Variants in SIPA1L1 observed in about 807,000 individuals in gnomAD.
SIPA1L1 encodes signal-induced proliferation-associated 1-like protein 1.
Under a neutral mutation model 162.7 loss-of-function variants are expected in SIPA1L1, and 26 were observed. The observed-to-expected ratio is 0.16, with a 90% CI of 0.12 to 0.22. The LOEUF (loss-of-function observed/expected upper bound fraction) is 0.22. SIPA1L1 is among the 10% of genes least tolerant of loss of function. The probability of loss-of-function intolerance (pLI) is 1.00; values close to 1 mark genes in which losing one functional copy is unlikely to be tolerated. For synonymous variants in SIPA1L1, 829 were observed against 837.4 expected (o/e 0.99, Z 0.17); for missense variants, 1,874 against 2,241.0 (o/e 0.84, Z 3.31).
At chr14:71,412,266 C>T (rs2042459173) in intron 2 of SIPA1L1, among the ~76,000 whole-genome samples, 1 of 152,214 alleles carries the variant, frequency 6.6e-6, no homozygotes, top group Non-Finnish European at 1.5e-5. Flanking sequence ...CAGCCCAACA[C>T]AAACTTGTAA....
intron 2 of SIPA1L1, among the ~76,000 whole-genome samples, chr14:71,452,815 C>G (rs1595537572): frequency 6.6e-6 from 1 of 152,206 alleles, no homozygotes; most frequent in African/African-American, 2.4e-5. Context: ...AAGAACTTCC[C>G]CTCTGGGGAG....
intron 2 of SIPA1L1, among the ~76,000 whole-genome samples, chr14:71,410,001 G>A (rs1390779200): frequency 6.6e-6 from 1 of 151,908 alleles, no homozygotes. Flanking sequence ...TTTGTCTTTC[G>A]GTATGCTGTT....
At chr14:71,609,916 G>T (rs1256487907) in intron 5 of SIPA1L1, among the ~76,000 whole-genome samples, 2 of 143,074 alleles carry the variant, frequency 1.4e-5, no homozygotes, top group Non-Finnish European at 3.1e-5. Context: ...ATTTTAAAGT[G>T]CATGGAGTAA....
At chr14:71,610,648 AT>A (rs1193707539) in intron 5 of SIPA1L1, among the ~76,000 whole-genome samples, 1 of 152,152 alleles carries the variant, frequency 6.6e-6, no homozygotes, top group African/African-American at 2.4e-5. Context: ...TTTAAAAATA[AT>A]TTTTTTATGT....
At chr14:71,575,440 A>G (rs2032869685) in intron 4 of SIPA1L1, among the ~76,000 whole-genome samples, 1 of 152,176 alleles carries the variant, frequency 6.6e-6, no homozygotes, top group South Asian at 2.1e-4. Context: ...AATTATTAAA[A>G]TTTTCAGTAA....
intron 2 of SIPA1L1, among the ~76,000 whole-genome samples, chr14:71,332,030 A>T (rs1400551540): frequency 6.6e-6 from 1 of 152,172 alleles, no homozygotes; most frequent in Non-Finnish European, 1.5e-5. Flanking sequence ...TTGGTTGAGT[A>T]TATTATTTGA....
intron 8 of SIPA1L1, among the ~76,000 whole-genome samples, chr14:71,654,166 A>G (rs547935404): frequency 2.4e-4 from 37 of 152,326 alleles, no homozygotes; most frequent in Non-Finnish European, 2.6e-4. Context: ...TATCTGTGCA[A>G]AGACCATCTA....
chr14:71,674,053 T>A (rs2044815553), intron 12 of SIPA1L1, among the ~76,000 whole-genome samples: 3 of 152,252 alleles, frequency 2.0e-5, no homozygotes, highest in Admixed American at 2.0e-4. Context: ...AATTGTCTAC[T>A]TTATTGCTTC....
intron 4 of SIPA1L1, among the ~76,000 whole-genome samples, chr14:71,538,482 T>A (rs946437484): frequency 6.6e-6 from 1 of 152,180 alleles, no homozygotes; most frequent in Non-Finnish European, 1.5e-5. Context: ...GTCTGGCAGA[T>A]TGGGATCTGG....
chr14:71,508,738 A>G (rs946910007), intron 2 of SIPA1L1, among the ~76,000 whole-genome samples: 10 of 152,216 alleles, frequency 6.6e-5, no homozygotes, highest in African/African-American at 2.2e-4. Flanking sequence ...TTTAAAAAAC[A>G]TAGTCTTTGT....
At chr14:71,475,506 C>G (rs2047776444) in intron 2 of SIPA1L1, among the ~76,000 whole-genome samples, 1 of 152,080 alleles carries the variant, frequency 6.6e-6, no homozygotes, top group Non-Finnish European at 1.5e-5. Flanking sequence ...AAAACCAATA[C>G]AAGTCACTGT....
intron 13 of SIPA1L1, among the ~76,000 whole-genome samples, chr14:71,687,068 A>C (rs2080922972): frequency 6.6e-6 from 1 of 152,238 alleles, no homozygotes; most frequent in Non-Finnish European, 1.5e-5. Context: ...TCACTTAACT[A>C]TTTTAGGTTA....
intron 4 of SIPA1L1, among the ~76,000 whole-genome samples, chr14:71,561,205 T>A (rs1423038556): frequency 1.3e-5 from 2 of 152,180 alleles, no homozygotes; most frequent in African/African-American, 4.8e-5. Flanking sequence ...TATCATAAAA[T>A]TTTTCCCATG....
At position 71,588,761 on chromosome 14, in the gene SIPA1L1, C is replaced by T. The variant is rs746218152; in HGVS notation, c.889C>T (p.Arg297Cys). Reference sequence around the variant, plus strand: ...TGAAACTGGAGACTCATCTATTTTTCGTAAATTGCGCAATGCCAAAGGTGA... The same window carrying T: ...TGAAACTGGAGACTCATCTATTTTTTGTAAATTGCGCAATGCCAAAGGTGA... ...KSETGDSSIF[R>C]KLRNAKGEEL... Residue 297 changes from arginine (R) to cysteine (C), a missense_variant, in exon 5 of 24, where the codon CGT becomes TGT. This residue lies in a region of SIPA1L1 where 685 missense variants were observed against 828.0 expected (regional missense o/e 0.83). Transcript: ENST00000381232. The surrounding 1 kb of genome is among the most constrained non-coding windows in gnomAD (Gnocchi z 4.3). The T allele has an allele frequency of 1.1e-5, 17 of 1,613,832 alleles. No homozygotes were observed. Among genetic ancestry groups the T allele is most frequent in the South Asian group, 2.2e-5 (2 of 91,076 alleles).
chr14:71,737,225 TCAA>T (rs1345327397), intron 22 of SIPA1L1, among the ~76,000 whole-genome samples: 1 of 152,198 alleles, frequency 6.6e-6, no homozygotes, highest in Non-Finnish European at 1.5e-5. Context: ...GCAGAAGACA[TCAA>T]CACAGTTCAT....
At chr14:71,443,685 G>C (rs965623304) in intron 2 of SIPA1L1, among the ~76,000 whole-genome samples, 79 of 152,300 alleles carry the variant, frequency 5.2e-4, no homozygotes, top group African/African-American at 1.9e-3. Context: ...GGGTTAAGCA[G>C]AATAATTTCT....
At chr14:71,638,600 G>A (rs1208119526) in intron 7 of SIPA1L1, among the ~76,000 whole-genome samples, 1 of 152,238 alleles carries the variant, frequency 6.6e-6, no homozygotes, top group Non-Finnish European at 1.5e-5. Flanking sequence ...TGGAGAAAGG[G>A]AAGGATATGT....
At chr14:71,691,695 T>C (rs1438984367) in intron 13 of SIPA1L1, among the ~76,000 whole-genome samples, 1 of 152,166 alleles carries the variant, frequency 6.6e-6, no homozygotes, top group African/African-American at 2.4e-5. Context: ...CTGCAAGCAC[T>C]ATGTTCCCCT....
At chr14:71,707,032 CAAAAA>C (rs775191889) in intron 16 of SIPA1L1, among the ~76,000 whole-genome samples, 5 of 92,390 alleles carry the variant, frequency 5.4e-5, no homozygotes, top group Admixed American at 3.7e-4. Flanking sequence ...AAGACTCCGT[CAAAAA>C]AAAAAAAAAA....
Sources: allele counts gnomAD v4.1 joint callset (sites outside exome capture counted in the v4.1 genomes callset), GRCh38; gene constraint gnomAD v4.1.1; regional missense constraint gnomAD v4.1.1; non-coding constraint Gnocchi (gnomAD v3.1); transcripts MANE v1.5; gene names NCBI Gene and HGNC (gene_info 2026-07-23, HGNC 2026-07-21).